Variants in MFSD11 observed in about 807,000 individuals in gnomAD.
The protein encoded by MFSD11 is UNC93-like protein MFSD11.
MFSD11 carries 36 observed loss-of-function variants against 53.5 expected under a neutral mutation model. That is an observed-to-expected ratio of 0.67 (90% confidence interval 0.52 to 0.89). The LOEUF is 0.89. Among genes scored for constraint, MFSD11 ranks in the 40% least tolerant of loss-of-function variants. The pLI, the probability that MFSD11 is intolerant of heterozygous loss-of-function variation, is 0.00. For missense variants in MFSD11, 530 were observed against 543.9 expected, an observed-to-expected ratio of 0.97 and a Z score of 0.25; for synonymous variants, 186 against 184.9, an observed-to-expected ratio of 1.01 and a Z score of -0.05.
chr17:76,789,230 TC>T, the MFSD11 span, among the ~76,000 whole-genome samples: 3 of 150,200 alleles, frequency 2.0e-5, no homozygotes, highest in East Asian at 5.9e-4. Flanking sequence ...ACATAAGAGA[TC>T]CAAGTGCCCT....
intron 8 of MFSD11, among the ~76,000 whole-genome samples, chr17:76,761,674 G>A (rs1226693417): frequency 1.3e-5 from 2 of 152,162 alleles, no homozygotes; most frequent in Non-Finnish European, 2.9e-5. Context: ...TGTAATCCCA[G>A]CACTTTGGGA....
downstream of MFSD11, among the ~76,000 whole-genome samples, chr17:76,784,625 TG>T (rs1252217353): frequency 6.6e-6 from 1 of 151,986 alleles, no homozygotes; most frequent in African/African-American, 2.4e-5. Context: ...CCGGGTATGG[TG>T]GCTCACACCT....
At chr17:76,747,932 G>A (rs1276692788) in intron 7 of MFSD11, 1 of 152,234 alleles carries the variant, frequency 6.6e-6, no homozygotes, top group Non-Finnish European at 1.5e-5. Flanking sequence ...TCTACAAATA[G>A]CACAGACTTG....
intron 8 of MFSD11, among the ~76,000 whole-genome samples, chr17:76,755,791 C>CATATATATATATATATATATAT (rs71158064): frequency 1.9e-4 from 3 of 16,102 alleles, no homozygotes; most frequent in African/African-American, 4.7e-4. Flanking sequence ...TGTGTGTATA[C>CATATATATATATATATATATAT]ATATATATAT....
At chr17:76,783,716 G>T (rs1054542859), downstream of MFSD11, among the ~76,000 whole-genome samples, 1 of 151,958 alleles carries the variant, frequency 6.6e-6, no homozygotes, top group African/African-American at 2.4e-5. Context: ...CTGCCACCAC[G>T]CCCAGCCTAT....
intron 8 of MFSD11, among the ~76,000 whole-genome samples, chr17:76,759,540 C>T (rs529311411): frequency 1.1e-4 from 17 of 152,074 alleles, no homozygotes; most frequent in Non-Finnish European, 1.8e-4. Context: ...CTGCAACCTC[C>T]GCCCCGCAGG....
At chr17:76,785,418 C>T (rs2082261974), downstream of MFSD11, among the ~76,000 whole-genome samples, 1 of 152,132 alleles carries the variant, frequency 6.6e-6, no homozygotes, top group Non-Finnish European at 1.5e-5. Context: ...CTCACTGCAA[C>T]CTCCAACTCC....
chr17:76,761,939 C>A (rs559008565), intron 8 of MFSD11, among the ~76,000 whole-genome samples: 13 of 151,184 alleles, frequency 8.6e-5, no homozygotes, highest in African/African-American at 2.9e-4. Context: ...AAAAAAAATT[C>A]ATATACCATA....
Position 76,770,062 on chromosome 17 carries a change from C to T in MFSD11, c.874+191C>T, listed in dbSNP as rs11870341. ...TTTTTTTTTTTTCCAGACAGAGTCT[C>T]GCTCTGTCGCCGAGGCTAGAGTTGG... On this transcript the variant is annotated intron_variant, in intron 10 of 12. Transcript: ENST00000685175. Among the ~76,000 whole-genome samples, 340 of 141,940 alleles carry T rather than the reference C, an allele frequency of 2.4e-3. 2 individuals carry two copies. Among genetic ancestry groups the T allele is most frequent in the African/African-American group, 8.7e-3 (315 of 36,312 alleles). 93.1% of individuals were successfully genotyped at this position (141,940 alleles called of 152,430 possible). A position where few individuals can be genotyped will look rare whatever the true frequency, so the allele number is the denominator to read the frequency against.
intron 10 of MFSD11, among the ~76,000 whole-genome samples, 160 bp downstream of exon 10, chr17:76,770,031 CTTTTTT>C (rs367900405): frequency 7.6e-6 from 1 of 131,086 alleles, no homozygotes; most frequent in African/African-American, 2.9e-5. Flanking sequence ...TATTCTTTTT[CTTTTTT>C]TTTTTTTTTT....
At chr17:76,782,474 CTTTTTT>C (rs33999736), downstream of MFSD11, among the ~76,000 whole-genome samples, 5 of 76,172 alleles carry the variant, frequency 6.6e-5, no homozygotes, top group Non-Finnish European at 8.8e-5. Flanking sequence ...CGCGCCCAGG[CTTTTTT>C]TTTTTTTTTT....
In MFSD11 at chr17:76,742,253, C is replaced by T. The variant is rs747931692; in HGVS notation, c.417C>T (p.Phe139=). Residue 139 remains phenylalanine, a synonymous_variant, in exon 5 of 13, where the codon TTC becomes TTT. Transcript: ENST00000685175. ...GCATTGGGAGAAACAGTGGGATTTTCTGGGCACTTCTGCAGTCTAGGTAAT... is the reference window on the plus strand; with the variant it reads ...GCATTGGGAGAAACAGTGGGATTTTTTGGGCACTTCTGCAGTCTAGGTAAT... ...EHSIGRNSGI[F]WALLQSSLFF... 7 of 1,613,900 alleles carry T rather than the reference C, an allele frequency of 4.3e-6. No individual in the cohort carries two copies. Among genetic ancestry groups the T allele is most frequent in the South Asian group, 2.2e-5 (2 of 91,084 alleles).
chr17:76,777,190 C>A (rs2081920918), intron 12 of MFSD11, among the ~76,000 whole-genome samples: 1 of 151,796 alleles, frequency 6.6e-6, no homozygotes, highest in African/African-American at 2.4e-5. Flanking sequence ...ATGGTGTGAA[C>A]CCGGGAGGCG....
At chr17:76,756,824 C>T (rs1028354547) in intron 8 of MFSD11, among the ~76,000 whole-genome samples, 6 of 150,334 alleles carry the variant, frequency 4.0e-5, no homozygotes, top group Non-Finnish European at 8.9e-5. Context: ...TGCGCCACTG[C>T]ACTCCAGCCT....
At chr17:76,777,253 G>A (rs1004256501) in intron 12 of MFSD11, among the ~76,000 whole-genome samples, 1 of 148,832 alleles carries the variant, frequency 6.7e-6, no homozygotes, top group Admixed American at 6.7e-5. Flanking sequence ...GGGCCACAGA[G>A]CGAGACTCCG....
At chr17:76,773,834 T>C (rs1350850789) in intron 10 of MFSD11, among the ~76,000 whole-genome samples, 1 of 151,968 alleles carries the variant, frequency 6.6e-6, no homozygotes, top group Non-Finnish European at 1.5e-5. Flanking sequence ...TCTTGATCTC[T>C]TGACCTCGTG....
At position 76,778,189 on chromosome 17, in the gene MFSD11, C is replaced by T; in HGVS notation, c.1187C>T (p.Ser396Phe). 1.1e-5 allele frequency: 18 copies of T among 1,614,208 alleles called. No homozygotes were observed. The highest frequency in any genetic ancestry group is 1.5e-5 in the Non-Finnish European group (18 of 1,180,036). Reference sequence around the variant, plus strand: ...GTGATTTGTTTTGTTTGTTCTTAGTCTATTTGCGCAGCCGTGGCATTTTTC... The same window carrying T: ...GTGATTTGTTTTGTTTGTTCTTAGTTTATTTGCGCAGCCGTGGCATTTTTC... ...PAFAIFKFVQ[S>F]ICAAVAFFYS... The change falls in exon 13 of 13, where the codon TCT becomes TTT. Residue 396 changes from serine to phenylalanine, a missense_variant and splice_region_variant. Ser to Phe is a radical substitution (Grantham distance 155). Transcript: ENST00000685175.
intron 12 of MFSD11, among the ~76,000 whole-genome samples, chr17:76,777,254 C>T (rs561931606): frequency 1.4e-5 from 2 of 140,678 alleles, no homozygotes; most frequent in South Asian, 2.2e-4. Flanking sequence ...GGCCACAGAG[C>T]GAGACTCCGT....
At chr17:76,750,123 T>C (rs76503579) in intron 7 of MFSD11, among the ~76,000 whole-genome samples, 1,550 of 152,090 alleles carry the variant, frequency 0.01, 34 homozygotes, top group African/African-American at 0.036. Flanking sequence ...CTGAATTAAA[T>C]TGGAAGTGAT....
Sources: allele counts gnomAD v4.1 joint callset (sites outside exome capture counted in the v4.1 genomes callset), GRCh38; gene constraint gnomAD v4.1.1; transcripts MANE v1.5; gene names NCBI Gene and HGNC (gene_info 2026-07-23, HGNC 2026-07-21).